The following FIG4 variants were observed in gnomAD, a reference collection of about 807,000 sequenced individuals.
FIG4 encodes the protein FIG4 phosphoinositide 5-phosphatase.
Under a neutral mutation model 118.6 loss-of-function variants are expected in FIG4, and 112 were observed. The observed-to-expected ratio is 0.94, with a 90% CI of 0.81 to 1.11. The LOEUF (loss-of-function observed/expected upper bound fraction) is 1.11, where lower values mean the gene tolerates loss of function less well. Ranked by LOEUF, FIG4 falls within the 50% of genes least tolerant of loss-of-function variation. FIG4 has a pLI of 0.00. For missense variants in FIG4, 969 were observed against 1,111.7 expected (o/e 0.87, Z 1.83); for synonymous variants, 369 against 381.2 (o/e 0.97, Z 0.37).
chr6:109,786,295 CTCTT>C lies in FIG4; in HGVS notation c.1949-6_1949-3del, dbSNP rs1777953871. The C allele has an allele frequency of 6.2e-7, 1 of 1,610,326 alleles. No homozygotes were observed. Among genetic ancestry groups the C allele is most frequent in the Admixed American group, 1.7e-5 (1 of 59,964 alleles). ...ACTTTTAGAGTAACATGCAGTATCT[CTCTT>C]AGTTATCTGTGCTGTGAACTTAAAG... is the stretch of plus-strand genomic sequence containing the variant. On this transcript the variant is annotated splice_polypyrimidine_tract_variant and splice_region_variant and intron_variant, in intron 17 of 22. Coordinates refer to ENST00000230124, the MANE Select transcript of FIG4 (RefSeq NM_014845.6).
chr6:109,693,736 G>T (rs568296689), intron 1 of FIG4, among the ~76,000 whole-genome samples: 1 of 152,248 alleles, frequency 6.6e-6, no homozygotes, highest in South Asian at 2.1e-4. Flanking sequence ...ATGGCCAGGG[G>T]GGGTCTGGCA....
intron 16 of FIG4, among the ~76,000 whole-genome samples, chr6:109,780,519 A>C (rs1037830945): frequency 4.6e-5 from 7 of 152,172 alleles, no homozygotes; most frequent in Admixed American, 3.3e-4. Flanking sequence ...CCCTGTTACT[A>C]TTCTTTAAGG....
chr6:109,724,185 G>A (rs1414003768), intron 3 of FIG4, among the ~76,000 whole-genome samples: 22 of 152,102 alleles, frequency 1.4e-4, no homozygotes, highest in African/African-American at 2.4e-5. Flanking sequence ...CAAGATTCAC[G>A]GTGTACTTTA....
intron 16 of FIG4, among the ~76,000 whole-genome samples, chr6:109,784,442 C>T (rs1056172750): frequency 2.0e-5 from 3 of 152,186 alleles, no homozygotes; most frequent in Non-Finnish European, 2.9e-5. Context: ...GGAACTTGTT[C>T]GTTAGGACTG....
intron 10 of FIG4, among the ~76,000 whole-genome samples, chr6:109,745,125 A>G (rs945782979): frequency 3.9e-5 from 6 of 152,192 alleles, no homozygotes; most frequent in Non-Finnish European, 7.3e-5. Context: ...TCTTTATAGT[A>G]GAATGATTCA....
chr6:109,801,157 T>G (rs1280160746), intron 22 of FIG4, among the ~76,000 whole-genome samples: 1 of 152,180 alleles, frequency 6.6e-6, no homozygotes, highest in Non-Finnish European at 1.5e-5. Flanking sequence ...AAAAATCACC[T>G]CTAAGAAATG....
At chr6:109,745,999 C>T (rs1227371391) in intron 10 of FIG4, among the ~76,000 whole-genome samples, 1 of 152,106 alleles carries the variant, frequency 6.6e-6, no homozygotes, top group African/African-American at 2.4e-5. Flanking sequence ...TGACTTCAAA[C>T]TATACTACAA....
At chr6:109,717,299 A>G (rs1017725273) in intron 3 of FIG4, among the ~76,000 whole-genome samples, 4 of 152,222 alleles carry the variant, frequency 2.6e-5, no homozygotes, top group South Asian at 4.1e-4. Flanking sequence ...ATCTCTTTAA[A>G]TATCACCTTG....
At chr6:109,797,799 G>A (rs1460276117) in intron 22 of FIG4, among the ~76,000 whole-genome samples, 2 of 151,166 alleles carry the variant, frequency 1.3e-5, no homozygotes, top group Non-Finnish European at 2.9e-5. Flanking sequence ...AGGAGGTGGA[G>A]ACAGGAGAAT....
intron 11 of FIG4, among the ~76,000 whole-genome samples, chr6:109,760,668 C>G (rs968785528): frequency 1.3e-5 from 2 of 152,274 alleles, no homozygotes; most frequent in Middle Eastern, 3.4e-3. Context: ...ATCATTCTGT[C>G]TCACTATTTA....
At chr6:109,695,040 A>G (rs1774667128) in intron 1 of FIG4, among the ~76,000 whole-genome samples, 1 of 152,220 alleles carries the variant, frequency 6.6e-6, no homozygotes, top group Non-Finnish European at 1.5e-5. Flanking sequence ...TTCCTCAAAA[A>G]ACTAAAAATC....
chr6:109,746,001 A>C (rs1479583252), intron 10 of FIG4, among the ~76,000 whole-genome samples: 2 of 152,180 alleles, frequency 1.3e-5, no homozygotes, highest in Non-Finnish European at 2.9e-5. Flanking sequence ...ACTTCAAACT[A>C]TACTACAAGG....
chr6:109,760,160 G>A, intron 10 of FIG4, 90 bp from the exon 11 acceptor site: 1 of 1,100,378 alleles, frequency 9.1e-7, no homozygotes, highest in Non-Finnish European at 1.4e-6. Context: ...GGATTTTTTT[G>A]TCTTAGCTTA....
intron 15 of FIG4, among the ~76,000 whole-genome samples, chr6:109,769,072 G>C (rs1777368713): frequency 6.6e-6 from 1 of 151,746 alleles, no homozygotes; most frequent in South Asian, 2.1e-4. Context: ...CCTGTAATAG[G>C]GGTCATTATT....
chr6:109,771,765 G>A (rs923616980), intron 15 of FIG4, among the ~76,000 whole-genome samples: 1 of 152,164 alleles, frequency 6.6e-6, no homozygotes, highest in African/African-American at 2.4e-5. Context: ...TACAATGCTT[G>A]TGGTGGCCCT....
intron 6 of FIG4, 102 bp from the exon 7 acceptor site, chr6:109,738,223 G>T: frequency 1.0e-6 from 1 of 979,332 alleles, no homozygotes; most frequent in South Asian, 1.4e-5. Context: ...AAAATGAGTT[G>T]AATGTCAGCC....
intron 22 of FIG4, 26 bp from the exon 23 acceptor site, chr6:109,825,062 G>A (rs1250689298): frequency 1.8e-5 from 29 of 1,606,352 alleles, no homozygotes; most frequent in Non-Finnish European, 2.4e-5. Context: ...CTTTAATGCA[G>A]CCCTCTCTTT....
At chr6:109,808,554 G>A (rs1309487185) in intron 22 of FIG4, among the ~76,000 whole-genome samples, 4 of 152,060 alleles carry the variant, frequency 2.6e-5, no homozygotes, top group Non-Finnish European at 5.9e-5. Flanking sequence ...GTTGTCTTGA[G>A]GAAAAGGACT....
intron 10 of FIG4, among the ~76,000 whole-genome samples, chr6:109,756,424 C>G (rs1360467545): frequency 6.6e-6 from 1 of 151,720 alleles, no homozygotes; most frequent in Admixed American, 6.6e-5. Context: ...CTTGGAGTTG[C>G]TCTTCTCGAG....
Sources: allele counts gnomAD v4.1 joint callset (sites outside exome capture counted in the v4.1 genomes callset), GRCh38; gene constraint gnomAD v4.1.1; transcripts MANE v1.5; gene names NCBI Gene and HGNC (gene_info 2026-07-23, HGNC 2026-07-21).